Variants in MYO9A observed in about 807,000 individuals in gnomAD.
The protein encoded by MYO9A is unconventional myosin-IXa.
In MYO9A, 103 loss-of-function variants were observed where a neutral mutation model predicts 293.3. The ratio of observed to expected loss-of-function variants is 0.35; its 90% CI spans 0.30 to 0.41. The LOEUF is 0.41. MYO9A is among the 10% of genes least tolerant of loss of function. The pLI is 1.00. For missense variants in MYO9A, 2,685 were observed against 3,033.0 expected (o/e 0.89, Z 2.69); for synonymous variants, 1,001 against 1,035.7 (o/e 0.97, Z 0.64).
chr15:72,066,909 TAAAAAGGAATCTGAGGG>T (rs2079039205), intron 1 of MYO9A, among the ~76,000 whole-genome samples: 5 of 151,726 alleles, frequency 3.3e-5, no homozygotes, highest in Admixed American at 3.3e-4. Context: ...TTATTTGTGG[TAAAAAGGAATCTGAGGG>T]AAAAAAAGAA....
intron 13 of MYO9A, among the ~76,000 whole-genome samples, chr15:71,960,810 C>G (rs973515703): frequency 6.6e-6 from 1 of 152,098 alleles, no homozygotes; most frequent in Non-Finnish European, 1.5e-5. Context: ...AACAGGAGAG[C>G]TGAATAACAA....
In MYO9A at chr15:72,032,426, T is replaced by C. The variant is rs1198190876; in HGVS notation, c.935+68A>G. On this transcript the variant is annotated intron_variant, in intron 3 of 41. Coordinates refer to ENST00000356056, the MANE Select transcript of MYO9A (RefSeq NM_006901.4). ...GTCTGGGAATGAACAATACATAGTT[T>C]ATAAAAGGGTAAAGACAAAAATTAA... 5 of 1,000,850 alleles carry C rather than the reference T, an allele frequency of 5.0e-6. No individual in the cohort carries two copies. In the South Asian group the frequency reaches 5.8e-5, roughly 12 times the overall value. 62.0% of individuals were successfully genotyped at this position (1,000,850 alleles called of 1,614,324 possible). A position where few individuals can be genotyped will look rare whatever the true frequency, so the allele number is the denominator to read the frequency against.
At chr15:72,001,573 A>AAAT (rs2076867041) in intron 8 of MYO9A, among the ~76,000 whole-genome samples, 1 of 148,216 alleles carries the variant, frequency 6.7e-6, no homozygotes, top group African/African-American at 2.5e-5. Flanking sequence ...AAAAAAAAAA[A>AAAT]TAGATTATAA....
intron 6 of MYO9A, among the ~76,000 whole-genome samples, chr15:72,012,153 G>T (rs1167064322): frequency 6.6e-6 from 1 of 152,080 alleles, no homozygotes; most frequent in African/African-American, 2.4e-5. Flanking sequence ...TACATGGAAA[G>T]CTACACATGC....
intron 1 of MYO9A, among the ~76,000 whole-genome samples, chr15:72,059,202 G>A (rs939550861): frequency 3.3e-5 from 5 of 152,292 alleles, no homozygotes; most frequent in African/African-American, 1.2e-4. Flanking sequence ...TCCTCTTGGG[G>A]AAATGGCAAG....
chr15:71,885,785 C>T (rs1393490235), intron 27 of MYO9A, among the ~76,000 whole-genome samples: 8 of 152,108 alleles, frequency 5.3e-5, no homozygotes, highest in South Asian at 2.1e-4. Flanking sequence ...TCCGTTTTCT[C>T]GGTTCTATCT....
At position 71,897,513 on chromosome 15, in the gene MYO9A, C is replaced by T. The variant is rs1250703078; in HGVS notation, c.4990G>A (p.Gly1664Arg). Residue 1664 changes from glycine to arginine, a missense_variant, in exon 25 of 42, where the codon GGA (glycine) becomes AGA (arginine). Physicochemically the swap from Gly to Arg is moderately radical, Grantham distance 125 (BLOSUM62 -2). Around this residue, in one of 10 missense-constraint regions of MYO9A, gnomAD observed 1,434 missense variants for 1,497.7 expected, o/e 0.96. Coordinates refer to ENST00000356056, the MANE Select transcript of MYO9A (RefSeq NM_006901.4). Reference protein sequence around the residue: ...SHNSDDLSREGNARPIFFTPK... With the variant: ...SHNSDDLSRERNARPIFFTPK... ...GTGAAGAAAATGGGCCTAGCATTTC[C>T]CTCTCTGGAAAGGTCATCAGAATTG... 6.2e-7 allele frequency: 1 copy of T among 1,613,876 alleles called. No individual in the cohort carries two copies.
intron 12 of MYO9A, among the ~76,000 whole-genome samples, chr15:71,973,504 A>G (rs2076064257): frequency 6.6e-6 from 1 of 152,134 alleles, no homozygotes; most frequent in African/African-American, 2.4e-5. Context: ...TCAGACATCT[A>G]TACATGATTG....
chr15:72,072,353 G>A (rs537329618), intron 1 of MYO9A, among the ~76,000 whole-genome samples: 241 of 152,144 alleles, frequency 1.6e-3, no homozygotes, highest in Non-Finnish European at 2.3e-3. Flanking sequence ...GGATGGTCTC[G>A]ATCTCCTGAC....
At position 71,827,914 on chromosome 15, in the gene MYO9A, C is replaced by A; in HGVS notation, c.7153G>T (p.Glu2385Ter). The stretch of plus-strand genomic sequence containing the variant: ...TTCTCAGAGATAGCATATTCAGACT[C>A]CATATTCAAATTCTCTGAGCTATCA... Reference protein sequence around the residue: ...TADSSENLNMESEYAISEKSE... With the variant: ...TADSSENLNM The change falls in exon 41 of 42, where the codon GAG (glutamate) becomes TAG (stop). Residue 2385 changes from glutamate (E) to a stop codon, truncating the protein, a stop_gained. Transcript: ENST00000356056. LOFTEE classifies it high-confidence loss of function. The A allele has an allele frequency of 6.2e-7, 1 of 1,613,728 alleles. No individual in the cohort carries two copies. The highest frequency in any genetic ancestry group is 8.5e-7 in the Non-Finnish European group (1 of 1,179,764).
In MYO9A at chr15:71,994,455, C is replaced by A; in HGVS notation, c.1587+14G>T. On this transcript the variant is annotated intron_variant, in intron 10 of 41. Transcript: ENST00000356056. ...TTTCAGGGAAAAACATATTATAATC[C>A]AATATATCATTACCTTGGTATTATG... is the stretch of plus-strand genomic sequence containing the variant. The A allele has an allele frequency of 2.1e-6, 3 of 1,450,712 alleles. No homozygotes were observed. The highest frequency in any genetic ancestry group is 2.6e-5 in the South Asian group (2 of 77,758). 89.9% of individuals were successfully genotyped at this position (1,450,712 alleles called of 1,614,324 possible).
intron 8 of MYO9A, among the ~76,000 whole-genome samples, chr15:72,007,614 C>T (rs191686861): frequency 6.6e-6 from 1 of 152,256 alleles, no homozygotes; most frequent in East Asian, 1.9e-4. Flanking sequence ...GAGGAGAAAA[C>T]ACAAATTTTA....
intron 19 of MYO9A, among the ~76,000 whole-genome samples, chr15:71,908,785 T>C (rs931746187): frequency 2.0e-5 from 3 of 152,222 alleles, no homozygotes; most frequent in Admixed American, 6.5e-5. Flanking sequence ...GTCCATAATA[T>C]GCATTAGGGT....
chr15:71,890,403 G>A (rs1191130231), intron 26 of MYO9A: 1 of 152,104 alleles, frequency 6.6e-6, no homozygotes, highest in Non-Finnish European at 1.5e-5. Flanking sequence ...AAAGAAAACT[G>A]TACAGAGAAA....
At chr15:71,850,689 C>T (rs551026408) in intron 37 of MYO9A, among the ~76,000 whole-genome samples, 5 of 134,338 alleles carry the variant, frequency 3.7e-5, no homozygotes, top group Middle Eastern at 9.4e-3. Flanking sequence ...TCACTTGAAC[C>T]GGGGAGGCGG....
Position 71,852,159 on chromosome 15 carries a change from G to A in MYO9A, c.6448C>T (p.Leu2150Phe), listed in dbSNP as rs2055676260. The change falls in exon 36 of 42, where the codon CTC becomes TTC. Residue 2150 changes from leucine to phenylalanine, a missense_variant. Physicochemically the swap from Leu to Phe is conservative, Grantham distance 22. This residue lies in a region of MYO9A where 238 missense variants were observed against 269.1 expected (regional missense o/e 0.88). Transcript: ENST00000356056. ...ATAGCTCGAAGAAATTCCTCATAGA[G>A]TTCAAAGGTCATGAGAGGATTGGGC... The part of the protein sequence containing the change: ...DLPNPLMTFE[L>F]YEEFLRAMGL... 1.9e-6 allele frequency: 3 copies of A among 1,613,378 alleles called. No individual in the cohort carries two copies. The highest frequency in any genetic ancestry group is 1.6e-4 in the Middle Eastern group (1 of 6,082).
At chr15:71,991,726 C>A (rs1402864028) in intron 10 of MYO9A, among the ~76,000 whole-genome samples, 5 of 152,200 alleles carry the variant, frequency 3.3e-5, no homozygotes, top group Non-Finnish European at 5.9e-5. Flanking sequence ...CTCATGAAGA[C>A]TGAGTGAAAC....
chr15:71,918,978 G>C (rs1202562444), intron 18 of MYO9A, among the ~76,000 whole-genome samples: 1 of 152,100 alleles, frequency 6.6e-6, no homozygotes, highest in African/African-American at 2.4e-5. Context: ...ACTTGGCACT[G>C]AATTTGTAGT....
chr15:72,074,701 A>C (rs2079292554), intron 1 of MYO9A, among the ~76,000 whole-genome samples: 1 of 152,200 alleles, frequency 6.6e-6, no homozygotes, highest in African/African-American at 2.4e-5. Context: ...CAGAGTAGAA[A>C]GTCAAGTGCA....
Sources: allele counts gnomAD v4.1 joint callset (sites outside exome capture counted in the v4.1 genomes callset), GRCh38; gene constraint gnomAD v4.1.1; regional missense constraint gnomAD v4.1.1; transcripts MANE v1.5; gene names NCBI Gene and HGNC (gene_info 2026-07-23, HGNC 2026-07-21).